The following FARP1 variants were observed in gnomAD, a reference collection of about 807,000 sequenced individuals.
The protein encoded by FARP1 is FERM, ARHGEF and pleckstrin domain-containing protein 1.
A neutral mutation model predicts 128.8 loss-of-function variants in FARP1; 52 were observed. The observed-to-expected ratio is 0.40, with a 90% CI of 0.32 to 0.51. FARP1 has a LOEUF of 0.51. FARP1 is among the 20% of genes least tolerant of loss of function. FARP1 has a pLI of 0.45. For missense variants in FARP1, 1,333 were observed against 1,367.9 expected, an observed-to-expected ratio of 0.97 and a Z score of 0.40; for synonymous variants, 580 against 551.8, an observed-to-expected ratio of 1.05 and a Z score of -0.72.
At chr13:98,282,984 C>A (rs115156059) in intron 2 of FARP1, among the ~76,000 whole-genome samples, 4,620 of 152,158 alleles carry the variant, frequency 0.03, 229 homozygotes, top group African/African-American at 0.11. Context: ...GCCATAAAAA[C>A]AATATGTCAT....
chr13:98,384,722 CT>C lies in FARP1; in HGVS notation c.497-3del. ...ACGTGACCTGTTTTTCTTTCTGTTT[CT>C]TTTTAGCTGAGATTGGGGATTTTGA... is the stretch of plus-strand genomic sequence containing the variant. On this transcript the variant is annotated splice_region_variant and splice_polypyrimidine_tract_variant and intron_variant, in intron 6 of 26. Coordinates refer to ENST00000319562, the MANE Select transcript of FARP1 (RefSeq NM_005766.4). 6.3e-7 allele frequency: 1 copy of C among 1,577,650 alleles called. No individual in the cohort carries two copies.
chr13:98,360,516 A>C (rs1160390893), intron 3 of FARP1, among the ~76,000 whole-genome samples: 1 of 152,212 alleles, frequency 6.6e-6, no homozygotes, highest in African/African-American at 2.4e-5. Flanking sequence ...GCAAGGATGC[A>C]TCGAGGTGGC....
At chr13:98,281,246 A>T (rs1884922808) in intron 2 of FARP1, among the ~76,000 whole-genome samples, 1 of 152,106 alleles carries the variant, frequency 6.6e-6, no homozygotes, top group Non-Finnish European at 1.5e-5. Flanking sequence ...TCAGCTGAGT[A>T]GGAGGCTGAG....
chr13:98,207,955 C>CACAT (rs1880388329), intron 1 of FARP1, among the ~76,000 whole-genome samples: 1 of 149,756 alleles, frequency 6.7e-6, no homozygotes. Flanking sequence ...CACACACACA[C>CACAT]ACACACACAC....
At chr13:98,366,902 A>G (rs1223141667) in intron 4 of FARP1, among the ~76,000 whole-genome samples, 1 of 152,146 alleles carries the variant, frequency 6.6e-6, no homozygotes, top group Non-Finnish European at 1.5e-5. Flanking sequence ...TTAAACTTGA[A>G]TATGTGATCA....
chr13:98,277,148 A>ACACCCCCC (rs372627844), intron 2 of FARP1, among the ~76,000 whole-genome samples: 1 of 138,580 alleles, frequency 7.2e-6, no homozygotes, highest in Non-Finnish European at 1.6e-5. Context: ...ACACACACAC[A>ACACCCCCC]CCCCATATGT....
chr13:98,366,628 G>C (rs1889097222), intron 4 of FARP1, among the ~76,000 whole-genome samples: 1 of 152,260 alleles, frequency 6.6e-6, no homozygotes. Context: ...TCCATATGCT[G>C]TGACAGGCCA....
chr13:98,408,189 A>C (rs910346064), intron 13 of FARP1, among the ~76,000 whole-genome samples: 7 of 152,194 alleles, frequency 4.6e-5, no homozygotes, highest in African/African-American at 1.7e-4. Context: ...AAAAACACTT[A>C]GGTTAGAAGT....
At chr13:98,351,350 C>T (rs9584817) in intron 3 of FARP1, among the ~76,000 whole-genome samples, 38,294 of 152,074 alleles carry the variant, frequency 0.25, 4,845 homozygotes, top group South Asian at 0.32. Context: ...CGGTGGCTCA[C>T]GCCTGTAATC....
intron 13 of FARP1, 98 bp downstream of exon 13, chr13:98,395,574 G>GTCCCGATCCCGGTCCCGA (rs1003277685): frequency 7.2e-7 from 1 of 1,397,252 alleles, no homozygotes; most frequent in African/African-American, 1.5e-5. Context: ...GAGAACAAGC[G>GTCCCGATCCCGGTCCCGA]TCCCGATCCC....
intron 2 of FARP1, among the ~76,000 whole-genome samples, chr13:98,252,443 A>G (rs1299002410): frequency 6.6e-6 from 1 of 152,202 alleles, no homozygotes; most frequent in Non-Finnish European, 1.5e-5. Context: ...TTAAAATTAA[A>G]ACCGACCCCA....
At chr13:98,275,727 C>A (rs772998257) in intron 2 of FARP1, among the ~76,000 whole-genome samples, 7 of 149,792 alleles carry the variant, frequency 4.7e-5, no homozygotes, top group Non-Finnish European at 7.4e-5. Context: ...GAGTGGTTGA[C>A]ATTGGTGGCT....
At chr13:98,188,330 G>A (rs1334842587) in intron 1 of FARP1, among the ~76,000 whole-genome samples, 4 of 152,102 alleles carry the variant, frequency 2.6e-5, no homozygotes, top group South Asian at 2.1e-4. Flanking sequence ...GAGGCGGGCG[G>A]ATCACGAGGT....
At chr13:98,313,050 AC>A (rs1226689612) in intron 2 of FARP1, among the ~76,000 whole-genome samples, 1 of 152,074 alleles carries the variant, frequency 6.6e-6, no homozygotes, top group Non-Finnish European at 1.5e-5. Flanking sequence ...CAGAGTCCTT[AC>A]AGATGTAATG....
intron 2 of FARP1, among the ~76,000 whole-genome samples, chr13:98,319,776 A>G (rs1447543491): frequency 2.6e-5 from 4 of 152,238 alleles, no homozygotes; most frequent in South Asian, 2.1e-4. Flanking sequence ...CTGCCATTCT[A>G]GTAGATTTAT....
At chr13:98,416,987 C>T (rs924878542) in intron 16 of FARP1, among the ~76,000 whole-genome samples, 4 of 152,154 alleles carry the variant, frequency 2.6e-5, no homozygotes, top group African/African-American at 9.7e-5. Flanking sequence ...GGGAGACTGG[C>T]TGGGAGGACC....
At chr13:98,165,086 A>G (rs1877147762) in intron 1 of FARP1, among the ~76,000 whole-genome samples, 1 of 151,824 alleles carries the variant, frequency 6.6e-6, no homozygotes, top group East Asian at 1.9e-4. Flanking sequence ...GTGGTGGTAC[A>G]CACCTGTAAT....
At chr13:98,234,835 C>G (rs1401805383) in intron 2 of FARP1, 1 of 152,202 alleles carries the variant, frequency 6.6e-6, no homozygotes, top group Non-Finnish European at 1.5e-5. Flanking sequence ...CAGGTGCCGC[C>G]AAGCCCATCT....
In FARP1 at chr13:98,431,217, C is replaced by T; in HGVS notation, c.2080C>T (p.Gln694Ter). 6.2e-7 allele frequency: 1 copy of T among 1,604,448 alleles called. No homozygotes were observed. The highest frequency in any genetic ancestry group is 8.5e-7 in the Non-Finnish European group (1 of 1,175,658). Residue 694 changes from glutamine (Q) to a stop codon, truncating the protein, a stop_gained, in exon 18 of 27, where the codon CAG becomes TAG. Coordinates refer to ENST00000319562, the MANE Select transcript of FARP1 (RefSeq NM_005766.4). LOFTEE classifies it high-confidence loss of function. Reference sequence around the variant, plus strand: ...ACTGCACCGGCTCATGCACTACAAGCAGGTCCTGGAGCGGCTGTGCAAACA... The same window carrying T: ...ACTGCACCGGCTCATGCACTACAAGTAGGTCCTGGAGCGGCTGTGCAAACA... Reference protein sequence around the residue: ...RPLHRLMHYKQVLERLCKHHP... With the variant: ...RPLHRLMHYK
Sources: allele counts gnomAD v4.1 joint callset (sites outside exome capture counted in the v4.1 genomes callset), GRCh38; gene constraint gnomAD v4.1.1; transcripts MANE v1.5; gene names NCBI Gene and HGNC (gene_info 2026-07-23, HGNC 2026-07-21).